The following RPS27L variants were observed in gnomAD, a reference collection of about 807,000 sequenced individuals.
RPS27L encodes ribosomal protein S27 like.
A neutral mutation model predicts 12.8 loss-of-function variants in RPS27L; 10 were observed. The observed-to-expected ratio is 0.78, with a 90% CI of 0.48 to 1.33. RPS27L has a LOEUF of 1.33. Ranked by LOEUF, RPS27L falls within the 40% of genes most tolerant of loss-of-function variation. The pLI, the probability that RPS27L is intolerant of heterozygous loss-of-function variation, is 0.00. For synonymous variants in RPS27L, 26 were observed against 32.3 expected (o/e 0.81, Z 0.66); for missense variants, 81 against 97.4 (o/e 0.83, Z 0.71).
At chr15:63,155,931 A>G (rs898840521) in intron 2 of RPS27L, among the ~76,000 whole-genome samples, 200 bp from the exon 3 acceptor site, 6 of 152,212 alleles carry the variant, frequency 3.9e-5, no homozygotes, top group African/African-American at 1.4e-4. Context: ...ATTAAACTTA[A>G]TATTTCCAAA....
In RPS27L at chr15:63,154,048, C is replaced by G. The variant is rs769801955; in HGVS notation, c.239G>C (p.Arg80Thr). The change falls in exon 4 of 4, where the codon AGA becomes ACA. Residue 80 changes from arginine to threonine, a missense_variant. Transcript: ENST00000330964. ...KARLTEGCSF[R>T]RKQH is the part of the protein sequence containing the mutation. The stretch of plus-strand genomic sequence containing the variant: ...TTTGAATCATTAGTGTTGCTTTCTT[C>G]TAAATGAACACCCTGCAAAAGAATC... The G allele has an allele frequency of 6.2e-7, 1 of 1,608,726 alleles. No homozygotes were observed. Among genetic ancestry groups the G allele is most frequent in the Non-Finnish European group, 8.5e-7 (1 of 1,175,698 alleles).
At chr15:63,155,590 T>A (rs1374338830) in intron 3 of RPS27L, 31 bp downstream of exon 3, 1 of 1,362,500 alleles carries the variant, frequency 7.3e-7, no homozygotes, top group African/African-American at 1.5e-5. Context: ...ATCAATCTCA[T>A]CACTGGGTTG....
intron 1 of RPS27L, 35 bp downstream of exon 1, chr15:63,157,365 C>T (rs1223657469): frequency 6.2e-7 from 1 of 1,613,584 alleles, no homozygotes; most frequent in Non-Finnish European, 8.5e-7. Flanking sequence ...TAAAGAAGCC[C>T]AAAACAAACC....
At position 63,149,424 on chromosome 15, in the gene RPS27L, C is replaced by T. The variant is rs539604670; in HGVS notation, c.*4608G>A. 12 of 151,738 alleles carry T rather than the reference C, an allele frequency of 7.9e-5. No individual in the cohort carries two copies. Among genetic ancestry groups the T allele is most frequent in the East Asian group, 2.0e-4 (1 of 5,076 alleles). 9.4% of individuals were successfully genotyped at this position (151,738 alleles called of 1,614,324 possible). ...TAAAAATACTTTAAAAAAATTAGCC[C>T]GGCGTGGTGGCACACGCCTGTAGTC... is the stretch of plus-strand genomic sequence containing the variant. On this transcript the variant is annotated 3_prime_UTR_variant, in exon 4 of 4. Coordinates refer to ENST00000330964, the MANE Select transcript of RPS27L (RefSeq NM_015920.4).
chr15:63,148,852 CTTTTTTTTTTTTT>C lies in RPS27L; in HGVS notation c.*5167_*5179del. On this transcript the variant is annotated 3_prime_UTR_variant, in exon 4 of 4. Coordinates refer to ENST00000330964, the MANE Select transcript of RPS27L (RefSeq NM_015920.4). ...CAAACACCATGACCTGATGTCATTT[CTTTTTTTTTTTTT>C]TTTTTTTTTTTCTGAGACAGTCTTG... 1 of 119,428 alleles carries C rather than the reference CTTTTTTTTTTTTT, an allele frequency of 8.4e-6. No homozygotes were observed. The highest frequency in any genetic ancestry group is 8.8e-5 in the Admixed American group (1 of 11,316). 7.4% of individuals were successfully genotyped at this position (119,428 alleles called of 1,614,324 possible).
Position 63,157,449 on chromosome 15 carries a change from A to C in RPS27L, c.-44T>G. On this transcript the variant is annotated 5_prime_UTR_variant, in exon 1 of 4. Transcript: ENST00000330964. ...TCAGCCCTACCAGACCTCCCAGCCC[A>C]CACAGCTAGCAAGCTGCAAGCGATC... is the stretch of plus-strand genomic sequence containing the variant. The C allele has an allele frequency of 6.2e-7, 1 of 1,612,576 alleles. No homozygotes were observed. The highest frequency in any genetic ancestry group is 8.5e-7 in the Non-Finnish European group (1 of 1,178,676).
chr15:63,155,711 C>A lies in RPS27L; in HGVS notation c.136G>T (p.Val46Phe). 1.3e-6 allele frequency: 2 copies of A among 1,509,004 alleles called. No individual in the cohort carries two copies. The highest frequency in any genetic ancestry group is 1.8e-6 in the Non-Finnish European group (2 of 1,129,038). 93.5% of individuals were successfully genotyped at this position (1,509,004 alleles called of 1,614,324 possible). ...KCPGCYKITT[V>F]FSHAQTVVLC... ...ACCACTGTCTGAGCATGGCTGAAAA[C>A]CGTGGTGATCTTGTAGCAACCTAAA... The change falls in exon 3 of 4, where the codon GTT becomes TTT. Residue 46 changes from valine to phenylalanine, a missense_variant. By Grantham distance (50) the Val-to-Phe change is conservative. Transcript: ENST00000330964.
At chr15:63,156,272 T>C (rs11853249) in intron 2 of RPS27L, 141 bp downstream of exon 2, 75,020 of 567,200 alleles carry the variant, frequency 0.13, 7,559 homozygotes, top group East Asian at 0.45. Context: ...ACATTTATTA[T>C]GAAAATGTCC....
At chr15:63,154,186 GATT>G in intron 3 of RPS27L, 126 bp from the exon 4 acceptor site, 1 of 715,358 alleles carries the variant, frequency 1.4e-6, no homozygotes, top group South Asian at 1.9e-5. Flanking sequence ...CTCATATACA[GATT>G]ATTTATCCTT....
chr15:63,156,334 G>A (rs186442395), intron 2 of RPS27L, 79 bp downstream of exon 2: 3 of 711,680 alleles, frequency 4.2e-6, no homozygotes, highest in Admixed American at 2.9e-5. Flanking sequence ...GGGTTCTAAT[G>A]TATCTTAACT....
Position 63,156,959 on chromosome 15 carries a change from T to G in RPS27L, c.7-438A>C, listed in dbSNP as rs573564669. On this transcript the variant is annotated intron_variant, in intron 1 of 3. Coordinates refer to ENST00000330964, the MANE Select transcript of RPS27L (RefSeq NM_015920.4). ...CAACAGCTGATCTGACAGGAATTCTTGCTGAGCGACCGTCCTTGACGGAAT... is the reference window on the plus strand; with the variant it reads ...CAACAGCTGATCTGACAGGAATTCTGGCTGAGCGACCGTCCTTGACGGAAT... 310 of 354,182 alleles carry G rather than the reference T, an allele frequency of 8.8e-4. 6 individuals are homozygous for G. The South Asian group carries it at 0.011, about 13-fold the overall frequency. 21.9% of individuals were successfully genotyped at this position (354,182 alleles called of 1,614,324 possible). A position where few individuals can be genotyped will look rare whatever the true frequency, so the allele number is the denominator to read the frequency against.
intron 2 of RPS27L, 61 bp from the exon 3 acceptor site, chr15:63,155,792 C>T (rs922164877): frequency 3.1e-6 from 3 of 974,630 alleles, no homozygotes; most frequent in African/African-American, 3.4e-5. Flanking sequence ...ACCTGTTCGA[C>T]ATTTCTGGTA....
chr15:63,148,329 T>C lies in RPS27L; in HGVS notation c.*5703A>G, dbSNP rs1213693248. 1 of 152,206 alleles carries C rather than the reference T, an allele frequency of 6.6e-6. No individual in the cohort carries two copies. Among genetic ancestry groups the C allele is most frequent in the African/African-American group, 2.4e-5 (1 of 41,462 alleles). 9.4% of individuals were successfully genotyped at this position (152,206 alleles called of 1,614,324 possible). ...ACATAAAAATGAATAAAAATAAATA[T>C]GTTGGTATTTTAATTAGTTGGCTAC... On this transcript the variant is annotated 3_prime_UTR_variant, in exon 4 of 4. Coordinates refer to ENST00000330964, the MANE Select transcript of RPS27L (RefSeq NM_015920.4).
intron 3 of RPS27L, chr15:63,155,090 C>T (rs1224914718): frequency 1.3e-5 from 2 of 151,934 alleles, no homozygotes; most frequent in African/African-American, 4.8e-5. Context: ...AGATCAAGAC[C>T]ATCCTGGCTA....
chr15:63,150,167 A>G lies in RPS27L; in HGVS notation c.*3865T>C, dbSNP rs186899760. The G allele has an allele frequency of 6.6e-6, 1 of 152,374 alleles. No homozygotes were observed. Among genetic ancestry groups the G allele is most frequent in the African/African-American group, 2.4e-5 (1 of 41,590 alleles). The allele number at this position is 152,374 out of a possible 1,614,324, so 9.4% of individuals were successfully genotyped here. Reference sequence around the variant, plus strand: ...TATATTATTACACAGAATATTGTCAAAAAAAGGAATGAAATATTGATACAT... The same window carrying G: ...TATATTATTACACAGAATATTGTCAGAAAAAGGAATGAAATATTGATACAT... On this transcript the variant is annotated 3_prime_UTR_variant, in exon 4 of 4. Coordinates refer to ENST00000330964, the MANE Select transcript of RPS27L (RefSeq NM_015920.4).
At position 63,151,730 on chromosome 15, in the gene RPS27L, G is replaced by A. The variant is rs1008393857; in HGVS notation, c.*2302C>T. Reference sequence around the variant, plus strand: ...TTGGAGTACCTCAGGAAAAACACTTGACACTGACGCATCTTTTGTATAAAC... The same window carrying A: ...TTGGAGTACCTCAGGAAAAACACTTAACACTGACGCATCTTTTGTATAAAC... On this transcript the variant is annotated 3_prime_UTR_variant, in exon 4 of 4. Transcript: ENST00000330964. The A allele has an allele frequency of 2.0e-5, 3 of 152,108 alleles. No individual in the cohort carries two copies. The highest frequency in any genetic ancestry group is 7.2e-5 in the African/African-American group (3 of 41,398). The allele number at this position is 152,108 out of a possible 1,614,324, so 9.4% of individuals were successfully genotyped here. A position where few individuals can be genotyped will look rare whatever the true frequency, so the allele number is the denominator to read the frequency against.
rs540332508 is a variant in RPS27L, at chr15:63,152,312, T to C, written c.*1720A>G. 1 of 152,236 alleles carries C rather than the reference T, an allele frequency of 6.6e-6. No individual in the cohort carries two copies. Among genetic ancestry groups the C allele is most frequent in the African/African-American group, 2.4e-5 (1 of 41,550 alleles). The allele number at this position is 152,236 out of a possible 1,614,324, so 9.4% of individuals were successfully genotyped here. On this transcript the variant is annotated 3_prime_UTR_variant, in exon 4 of 4. Coordinates refer to ENST00000330964, the MANE Select transcript of RPS27L (RefSeq NM_015920.4). ...CACATCACTTTTGCTCTTGTGTGTGTATAGTTTTTTTCAAATGGCTACTAG... is the reference window on the plus strand; with the variant it reads ...CACATCACTTTTGCTCTTGTGTGTGCATAGTTTTTTTCAAATGGCTACTAG...
chr15:63,152,622 G>C lies in RPS27L; in HGVS notation c.*1410C>G, dbSNP rs1444644571. On this transcript the variant is annotated 3_prime_UTR_variant, in exon 4 of 4. Coordinates refer to ENST00000330964, the MANE Select transcript of RPS27L (RefSeq NM_015920.4). ...GAATTCTCCTGCCTCAGCCTCCCGA[G>C]TTAGCTGAGATTACAGGCATGCACC... 6.6e-6 allele frequency: 1 copy of C among 151,766 alleles called. No homozygotes were observed. The highest frequency in any genetic ancestry group is 1.5e-5 in the Non-Finnish European group (1 of 68,050). 9.4% of individuals were successfully genotyped at this position (151,766 alleles called of 1,614,324 possible).
chr15:63,154,718 A>G (rs1595722317), intron 3 of RPS27L: 1 of 152,150 alleles, frequency 6.6e-6, no homozygotes, highest in East Asian at 1.9e-4. Context: ...GCAAATTTAT[A>G]ACATCATTAT....
Sources: gnomAD v4.1 joint callset for allele counts (sites outside exome capture counted in the v4.1 genomes callset) on GRCh38, gnomAD v4.1.1 for gene constraint, MANE v1.5 for transcripts, NCBI Gene and HGNC (gene_info 2026-07-23, HGNC 2026-07-21) for gene names.